STEEP1: variants seen among roughly 807,000 people sequenced by gnomAD.
STEEP1 encodes STING1 ER exit protein 1, also known as STING ER exit protein.
Under a neutral mutation model 19.2 loss-of-function variants are expected in STEEP1, and 3 were observed. That is an observed-to-expected ratio of 0.16 (90% confidence interval 0.07 to 0.40). The LOEUF is 0.40. STEEP1 is among the 10% of genes least tolerant of loss of function. The pLI, the probability that STEEP1 is intolerant of heterozygous loss-of-function variation, is 0.99. For missense variants in STEEP1, 54 were observed against 177.1 expected, an observed-to-expected ratio of 0.30 and a Z score of 3.94; for synonymous variants, 46 against 63.7, an observed-to-expected ratio of 0.72 and a Z score of 1.32.
At chrX:119,540,548 T>A (rs926833432) in intron 6 of STEEP1, among the ~76,000 whole-genome samples, 1 of 111,002 alleles carries the variant, frequency 9.0e-6, no homozygotes, top group Non-Finnish European at 1.9e-5. Context: ...CAAAAAAAAA[T>A]ACATAGGCAC....
At chrX:119,564,927 A>G (rs184748939) in intron 1 of STEEP1, among the ~76,000 whole-genome samples, 190 of 111,730 alleles carry the variant, frequency 1.7e-3, no homozygotes, top group Non-Finnish European at 2.7e-3. Flanking sequence ...TTCTAGAGGC[A>G]GTAGTTTTTG....
chrX:119,564,088 G>C (rs1433769039), intron 1 of STEEP1, among the ~76,000 whole-genome samples: 1 of 111,516 alleles, frequency 9.0e-6, no homozygotes, highest in African/African-American at 3.3e-5. Flanking sequence ...TTTAAAGCTT[G>C]GGAATGAATG....
At chrX:119,552,092 A>T (rs2053246847) in intron 2 of STEEP1, among the ~76,000 whole-genome samples, 1 of 110,140 alleles carries the variant, frequency 9.1e-6, no homozygotes. Flanking sequence ...ATGGGGTTTC[A>T]CTGTGTTGGT....
At chrX:119,557,280 C>A (rs758755286) in intron 2 of STEEP1, among the ~76,000 whole-genome samples, 4 of 107,935 alleles carry the variant, frequency 3.7e-5, no homozygotes, top group Non-Finnish European at 5.7e-5. Context: ...ACTGGTTGTA[C>A]TGGGTTAGAT....
chrX:119,540,365 T>C (rs2147343804), intron 6 of STEEP1, among the ~76,000 whole-genome samples: 1 of 111,659 alleles, frequency 9.0e-6, no homozygotes, highest in African/African-American at 3.2e-5. Context: ...TCTTTCTGCC[T>C]TTGAAAGGTT....
intron 5 of STEEP1, 84 bp from the exon 6 acceptor site, chrX:119,541,504 C>G: frequency 3.6e-6 from 2 of 548,588 alleles, no homozygotes; most frequent in East Asian, 7.0e-5. Flanking sequence ...GTATACTACT[C>G]AAATCATGAA....
At chrX:119,558,846 T>G (rs2053301485) in intron 2 of STEEP1, among the ~76,000 whole-genome samples, 1 of 110,566 alleles carries the variant, frequency 9.0e-6, no homozygotes, top group Non-Finnish European at 1.9e-5. Flanking sequence ...ATTTTATCCC[T>G]TCCCAGGTTT....
chrX:119,554,869 G>A (rs2053268010), intron 2 of STEEP1, among the ~76,000 whole-genome samples: 2 of 111,121 alleles, frequency 1.8e-5, no homozygotes, highest in African/African-American at 6.6e-5. Context: ...CATTTTGGGA[G>A]GACAAGGCAG....
chrX:119,563,189 G>A lies in STEEP1; in HGVS notation c.124+2043C>T, dbSNP rs748926419. Among the ~76,000 whole-genome samples the A allele has an allele frequency of 1.3e-3, 145 of 111,923 alleles. 1 individual carries two copies. Among genetic ancestry groups the A allele is most frequent in the African/African-American group, 4.5e-3 (140 of 30,829 alleles). ...CTATGTGGAAAAGAGTGGAAGCAACGAGAGCAAGAGACTATTGTGCCAATC... is the reference window on the plus strand; with the variant it reads ...CTATGTGGAAAAGAGTGGAAGCAACAAGAGCAAGAGACTATTGTGCCAATC... On this transcript the variant is annotated intron_variant, in intron 1 of 6. Transcript: ENST00000644802.
intron 2 of STEEP1, among the ~76,000 whole-genome samples, chrX:119,557,155 CAAAA>C (rs61087266): frequency 4.2e-5 from 2 of 47,761 alleles, no homozygotes; most frequent in African/African-American, 1.5e-4. Flanking sequence ...GACTCTATCT[CAAAA>C]AAAAAAAAAA....
intron 6 of STEEP1, among the ~76,000 whole-genome samples, chrX:119,540,059 C>T (rs1603305264): frequency 9.0e-6 from 1 of 111,688 alleles, no homozygotes; most frequent in Non-Finnish European, 1.9e-5. Flanking sequence ...GCAGCCCCAG[C>T]GCCCCCCACA....
rs200376694 is a variant in STEEP1 at position 119,557,415 on chromosome X, T to C, written c.242+2853A>G. Among the ~76,000 whole-genome samples the C allele has an allele frequency of 1.3e-4, 12 of 95,503 alleles. No homozygotes were observed. The East Asian group carries it at 3.9e-3, about 31-fold the overall frequency. The allele number at this position is 95,503 out of a possible 115,157, so 82.9% of individuals were successfully genotyped here. The stretch of plus-strand genomic sequence containing the variant: ...GAGTTTGAGACCAGCCTGGCCAACA[T>C]GGTGAAACCCCATCTCTACTAAAAA... On this transcript the variant is annotated intron_variant, in intron 2 of 6. Coordinates refer to ENST00000644802, the MANE Select transcript of STEEP1 (RefSeq NM_022101.4).
chrX:119,552,341 C>G (rs1359214903), intron 2 of STEEP1, among the ~76,000 whole-genome samples: 1 of 112,315 alleles, frequency 8.9e-6, no homozygotes, highest in African/African-American at 3.2e-5. Flanking sequence ...CCTAGTCAGG[C>G]CTCCAGAACT....
chrX:119,539,251 G>A lies in STEEP1; in HGVS notation c.*476C>T, dbSNP rs1344348233. 8.9e-6 allele frequency: 1 copy of A among 112,081 alleles called. No homozygotes were observed. The highest frequency in any genetic ancestry group is 9.4e-5 in the Admixed American group (1 of 10,583). The allele number at this position is 112,081 out of a possible 1,213,427, so 9.2% of individuals were successfully genotyped here. On this transcript the variant is annotated 3_prime_UTR_variant, in exon 7 of 7. Transcript: ENST00000644802. ...TCCATCTCCTAGAAAGCAGGGCAAG[G>A]CTGGGCACGGTGGCTCACTCCTGTA...
chrX:119,553,480 G>T (rs2053257729), intron 2 of STEEP1, among the ~76,000 whole-genome samples: 2 of 111,549 alleles, frequency 1.8e-5, no homozygotes, highest in Admixed American at 1.9e-4. Context: ...GAAATTGGGG[G>T]CCTAAAAGAT....
intron 1 of STEEP1, among the ~76,000 whole-genome samples, chrX:119,561,346 G>A (rs1455026788): frequency 3.6e-5 from 4 of 111,799 alleles, no homozygotes; most frequent in Admixed American, 9.6e-5. Flanking sequence ...AAACAAATTA[G>A]GTACAGTTGT....
intron 2 of STEEP1, among the ~76,000 whole-genome samples, chrX:119,552,234 C>T (rs964985933): frequency 1.8e-5 from 2 of 110,962 alleles, no homozygotes; most frequent in East Asian, 2.8e-4. Context: ...GACAGGGTTT[C>T]GCCATGTTGG....
chrX:119,546,239 G>A (rs1467991909), intron 2 of STEEP1, among the ~76,000 whole-genome samples: 3 of 109,931 alleles, frequency 2.7e-5, no homozygotes, highest in Non-Finnish European at 3.8e-5. Context: ...TAAGGAGTTC[G>A]AGACTATCCT....
chrX:119,564,151 T>C (rs992539581), intron 1 of STEEP1, among the ~76,000 whole-genome samples: 5 of 110,916 alleles, frequency 4.5e-5, no homozygotes, highest in Non-Finnish European at 3.8e-5. Flanking sequence ...TACTGAGCTA[T>C]AGGGCCTTGG....
Sources: allele counts gnomAD v4.1 joint callset (sites outside exome capture counted in the v4.1 genomes callset), GRCh38; gene constraint gnomAD v4.1.1; transcripts MANE v1.5; gene names NCBI Gene and HGNC (gene_info 2026-07-23, HGNC 2026-07-21).